PTCD1: variants seen among roughly 807,000 people sequenced by gnomAD.
PTCD1 encodes the protein pentatricopeptide repeat-containing protein 1, mitochondrial.
PTCD1 carries 50 observed loss-of-function variants against 53.4 expected under a neutral mutation model. That is an observed-to-expected ratio of 0.94 (90% CI 0.75 to 1.19). The LOEUF (loss-of-function observed/expected upper bound fraction) is 1.19, where lower values mean the gene tolerates loss of function less well. Among genes scored for constraint, PTCD1 ranks in the 50% most tolerant of loss-of-function variants. The pLI, the probability that PTCD1 is intolerant of heterozygous loss-of-function variation, is 0.00. For synonymous variants in PTCD1, 413 were observed against 394.8 expected (o/e 1.05, Z -0.55); for missense variants, 918 against 904.8 (o/e 1.01, Z -0.19).
intron 3 of PTCD1, among the ~76,000 whole-genome samples, chr7:99,432,420 G>A (rs1182012434): frequency 6.6e-6 from 1 of 152,198 alleles, no homozygotes; most frequent in Non-Finnish European, 1.5e-5. Flanking sequence ...GCACATCAAA[G>A]CACAGCACCC....
At chr7:99,422,339 G>A (rs1795854692) in intron 7 of PTCD1, among the ~76,000 whole-genome samples, 1 of 152,196 alleles carries the variant, frequency 6.6e-6, no homozygotes, top group South Asian at 2.1e-4. Context: ...CATCCGGGCT[G>A]TGCTTCAAGC....
chr7:99,425,733 G>C lies in PTCD1; in HGVS notation c.916-117C>G. ...TAGATGGGAGGATCCCTTGAGATCA[G>C]GAGTTCGAGACAAGACCGGGCAACA... is the stretch of plus-strand genomic sequence containing the variant. On this transcript the variant is annotated intron_variant, in intron 5 of 7. Coordinates refer to ENST00000292478, the MANE Select transcript of PTCD1 (RefSeq NM_015545.4). 8 of 1,379,082 alleles carry C rather than the reference G, an allele frequency of 5.8e-6. No homozygotes were observed. In the South Asian group the frequency reaches 9.9e-5, roughly 17 times the overall value. The allele number at this position is 1,379,082 out of a possible 1,614,324, so 85.4% of individuals were successfully genotyped here.
At chr7:99,427,325 C>T (rs1373674835) in intron 5 of PTCD1, among the ~76,000 whole-genome samples, 9 of 143,004 alleles carry the variant, frequency 6.3e-5, no homozygotes, top group East Asian at 2.1e-4. Context: ...GCCCCCCGCC[C>T]GGCCAGCCGC....
intron 5 of PTCD1, among the ~76,000 whole-genome samples, chr7:99,426,789 G>A (rs1419925482): frequency 2.0e-5 from 3 of 150,132 alleles, no homozygotes; most frequent in East Asian, 2.0e-4. Flanking sequence ...CTGCCCGGCC[G>A]CCCATCGTCT....
Position 99,429,687 on chromosome 7 carries a change from C to A in PTCD1, c.714G>T (p.Leu238=), listed in dbSNP as rs558367030. The stretch of plus-strand genomic sequence containing the variant: ...AGTTGAGCTCGAAGTTTTTGGCCTG[C>A]AGCTGCTGCCGGAGCTTCAGGGCGC... ...LQSALKLRQQ[L]QAKNFELNLK... is the part of the protein sequence containing the mutation. The change falls in exon 4 of 8, where the codon CTG becomes CTT. Residue 238 remains leucine, a synonymous_variant. Coordinates refer to ENST00000292478, the MANE Select transcript of PTCD1 (RefSeq NM_015545.4). 1 of 1,614,226 alleles carries A rather than the reference C, an allele frequency of 6.2e-7. No homozygotes were observed. Among genetic ancestry groups the A allele is most frequent in the African/African-American group, 1.3e-5 (1 of 75,050 alleles).
chr7:99,423,930 T>C lies in PTCD1; in HGVS notation c.1765A>G (p.Ile589Val). 6.2e-7 allele frequency: 1 copy of C among 1,614,122 alleles called. No individual in the cohort carries two copies. The highest frequency in any genetic ancestry group is 8.5e-7 in the Non-Finnish European group (1 of 1,180,012). ...KKSQVTPNTH[I>V]YSALINAAIR... ...GCCGCGTTGATGAGGGCACTGTAGA[T>C]GTGAGTGTTGGGGGTCACCTGGGAC... Residue 589 changes from isoleucine to valine, a missense_variant, in exon 7 of 8, where the codon ATC becomes GTC. Coordinates refer to ENST00000292478, the MANE Select transcript of PTCD1 (RefSeq NM_015545.4).
At chr7:99,432,016 C>A (rs1161226934) in intron 3 of PTCD1, among the ~76,000 whole-genome samples, 3 of 152,200 alleles carry the variant, frequency 2.0e-5, no homozygotes, top group African/African-American at 7.2e-5. Context: ...TCGCCATTCT[C>A]CAATCTCGAG....
intron 3 of PTCD1, among the ~76,000 whole-genome samples, chr7:99,430,725 T>G (rs140359142): frequency 2.6e-5 from 4 of 152,334 alleles, no homozygotes; most frequent in African/African-American, 7.2e-5. Context: ...GCACAGCCTA[T>G]CCTTACTGAG....
At chr7:99,420,593 G>C (rs547740100) in intron 7 of PTCD1, among the ~76,000 whole-genome samples, 8 of 152,236 alleles carry the variant, frequency 5.3e-5, no homozygotes, top group Non-Finnish European at 1.0e-4. Context: ...GACACAAACT[G>C]AGAGCTGGTA....
At chr7:99,423,131 T>A (rs1305987378) in intron 7 of PTCD1, among the ~76,000 whole-genome samples, 1 of 151,430 alleles carries the variant, frequency 6.6e-6, no homozygotes, top group Non-Finnish European at 1.5e-5. Flanking sequence ...TGGAGTGCAG[T>A]GGCGCGATCT....
chr7:99,429,079 G>A (rs779245090), intron 5 of PTCD1, 24 bp downstream of exon 5: 3 of 1,613,510 alleles, frequency 1.9e-6, no homozygotes, highest in Non-Finnish European at 2.5e-6. Context: ...AGCAGGGCAG[G>A]AAGGTGGGGT....
At chr7:99,435,978 G>A (rs1007630253) in intron 1 of PTCD1, among the ~76,000 whole-genome samples, 1 of 151,584 alleles carries the variant, frequency 6.6e-6, no homozygotes, top group East Asian at 1.9e-4. Flanking sequence ...AGAAGTATGG[G>A]CCCAGAGGTT....
intron 7 of PTCD1, among the ~76,000 whole-genome samples, chr7:99,422,393 G>A (rs1329037177): frequency 6.6e-6 from 1 of 152,184 alleles, no homozygotes. Flanking sequence ...CACAGAGTGT[G>A]ATTCGATGGA....
At chr7:99,430,801 G>A (rs189471262) in intron 3 of PTCD1, among the ~76,000 whole-genome samples, 5 of 152,356 alleles carry the variant, frequency 3.3e-5, no homozygotes, top group South Asian at 2.1e-4. Flanking sequence ...GCTGGGTGCC[G>A]TGGCTCACGC....
In PTCD1 at chr7:99,434,872, G is replaced by A. The variant is rs746302567; in HGVS notation, c.371C>T (p.Pro124Leu). Residue 124 changes from proline to leucine, a missense_variant, in exon 2 of 8, where the codon CCG becomes CTG. Physicochemically the swap from Pro to Leu is moderately conservative, Grantham distance 98 (BLOSUM62 -3). Transcript: ENST00000292478. ...FGERRDEQMEPEPKLWRGRRN... is the reference protein window; with the variant it reads ...FGERRDEQMELEPKLWRGRRN... Reference sequence around the variant, plus strand: ...CCGGCCTCGCCATAATTTGGGCTCCGGTTCCATTTGCTCATCTCTCCGTTC... The same window carrying A: ...CCGGCCTCGCCATAATTTGGGCTCCAGTTCCATTTGCTCATCTCTCCGTTC... The A allele has an allele frequency of 6.8e-6, 11 of 1,614,182 alleles. No homozygotes were observed. Among genetic ancestry groups the A allele is most frequent in the East Asian group, 2.2e-5 (1 of 44,878 alleles).
chr7:99,426,761 A>G (rs1213034142), intron 5 of PTCD1, among the ~76,000 whole-genome samples: 8 of 143,828 alleles, frequency 5.6e-5, no homozygotes, highest in Admixed American at 1.4e-4. Context: ...CATCCCATCT[A>G]GGAAGTGAGG....
intron 7 of PTCD1, among the ~76,000 whole-genome samples, chr7:99,422,363 G>A (rs2150947007): frequency 6.6e-6 from 1 of 152,256 alleles, no homozygotes; most frequent in East Asian, 1.9e-4. Flanking sequence ...AGTGGCTCTC[G>A]ATGCTCCGGA....
rs761723048 is a variant in PTCD1 at position 99,435,119 on chromosome 7, T to A, written c.124A>T (p.Met42Leu). The A allele has an allele frequency of 6.2e-7, 1 of 1,603,738 alleles. No homozygotes were observed. Among genetic ancestry groups the A allele is most frequent in the Non-Finnish European group, 8.5e-7 (1 of 1,176,100 alleles). Residue 42 changes from methionine to leucine, a missense_variant, in exon 2 of 8, where the codon ATG becomes TTG. By Grantham distance (15) the Met-to-Leu change is conservative. Coordinates refer to ENST00000292478, the MANE Select transcript of PTCD1 (RefSeq NM_015545.4). ...AGGREGLMRP[M>L]WAPFSSSSSQ... is the part of the protein sequence containing the mutation. Reference sequence around the variant, plus strand: ...GAGGAGCTGCTGAAGGGCGCCCACATTGGCCGCATCAGCCCCTCCCTGCCT... The same window carrying A: ...GAGGAGCTGCTGAAGGGCGCCCACAATGGCCGCATCAGCCCCTCCCTGCCT...
At chr7:99,434,081 C>G (rs896975948) in intron 2 of PTCD1, among the ~76,000 whole-genome samples, 2 of 144,354 alleles carry the variant, frequency 1.4e-5, no homozygotes, top group Non-Finnish European at 3.0e-5. Context: ...AAAAACAAAC[C>G]AGACAGACAT....
Sources: gnomAD v4.1 joint callset for allele counts (sites outside exome capture counted in the v4.1 genomes callset) on GRCh38, gnomAD v4.1.1 for gene constraint, MANE v1.5 for transcripts, NCBI Gene and HGNC (gene_info 2026-07-23, HGNC 2026-07-21) for gene names.